Variants in KANSL1 observed in about 807,000 individuals in gnomAD.
KANSL1 encodes MLL1/MLL complex subunit KANSL1.
KANSL1 carries 22 observed loss-of-function variants against 103.6 expected under a neutral mutation model. The observed-to-expected ratio is 0.21, with a 90% confidence interval of 0.15 to 0.30. The LOEUF (loss-of-function observed/expected upper bound fraction) is 0.30, where lower values mean the gene tolerates loss of function less well. Among genes scored for constraint, KANSL1 ranks in the 10% least tolerant of loss-of-function variants. KANSL1 has a pLI of 1.00. For synonymous variants in KANSL1, 600 were observed against 527.6 expected, an observed-to-expected ratio of 1.14 and a Z score of -1.88; for missense variants, 1,337 against 1,399.8, an observed-to-expected ratio of 0.96 and a Z score of 0.72.
At chr17:46,143,753 G>A (rs934395974) in intron 2 of KANSL1, among the ~76,000 whole-genome samples, 2 of 139,324 alleles carry the variant, frequency 1.4e-5, no homozygotes, top group African/African-American at 2.7e-5. Flanking sequence ...GCAGTGAGCC[G>A]AGATCACGCC....
intron 1 of KANSL1, among the ~76,000 whole-genome samples, chr17:46,180,989 AAAGT>A (rs1256704303): frequency 6.6e-6 from 1 of 152,182 alleles, no homozygotes; most frequent in Non-Finnish European, 1.5e-5. Context: ...GGATGGATTG[AAAGT>A]AAGTAAAAAG....
intron 2 of KANSL1, among the ~76,000 whole-genome samples, chr17:46,116,325 T>C (rs1420527410): frequency 6.6e-6 from 1 of 152,108 alleles, no homozygotes; most frequent in Non-Finnish European, 1.5e-5. Flanking sequence ...GGTCAGAGGA[T>C]CAAGACCATC....
At chr17:46,121,039 C>G (rs536155348) in intron 2 of KANSL1, among the ~76,000 whole-genome samples, 1 of 152,334 alleles carries the variant, frequency 6.6e-6, no homozygotes, top group African/African-American at 2.4e-5. Flanking sequence ...ATAACCCATA[C>G]ATCCAGCCCA....
chr17:46,129,905 G>A (rs1244610311), intron 2 of KANSL1, among the ~76,000 whole-genome samples: 4 of 152,176 alleles, frequency 2.6e-5, no homozygotes, highest in South Asian at 2.1e-4. Context: ...TCTAGGGAGG[G>A]CTGGGCACAG....
intron 4 of KANSL1, among the ~76,000 whole-genome samples, chr17:46,068,602 A>G (rs2078466282): frequency 6.6e-6 from 1 of 151,958 alleles, no homozygotes; most frequent in South Asian, 2.1e-4. Flanking sequence ...ACACACACAC[A>G]TTTTTCCCTG....
At chr17:46,121,867 A>G (rs1218286323) in intron 2 of KANSL1, among the ~76,000 whole-genome samples, 2 of 152,200 alleles carry the variant, frequency 1.3e-5, no homozygotes, top group South Asian at 2.1e-4. Context: ...CCTACTGAAC[A>G]TCAAAGCTTA....
intron 6 of KANSL1, among the ~76,000 whole-genome samples, chr17:46,056,141 G>A (rs1411445295): frequency 6.6e-6 from 1 of 152,094 alleles, no homozygotes; most frequent in African/African-American, 2.4e-5. Flanking sequence ...GGGATTACAG[G>A]CACCCACCAC....
intron 4 of KANSL1, among the ~76,000 whole-genome samples, chr17:46,077,179 G>A (rs1424261458): frequency 6.6e-6 from 1 of 152,104 alleles, no homozygotes; most frequent in African/African-American, 2.4e-5. Context: ...AGCTTCCAGA[G>A]TAGTGAGGAC....
At chr17:46,215,549 C>T (rs1423862900) in intron 1 of KANSL1, among the ~76,000 whole-genome samples, 1 of 152,100 alleles carries the variant, frequency 6.6e-6, no homozygotes, top group African/African-American at 2.4e-5. Flanking sequence ...GGTCTGGACT[C>T]AAAAAGGAGA....
intron 3 of KANSL1, among the ~76,000 whole-genome samples, chr17:46,086,907 C>G (rs890535367): frequency 6.6e-6 from 1 of 152,114 alleles, no homozygotes; most frequent in Non-Finnish European, 1.5e-5. Flanking sequence ...GGGGGTACTA[C>G]AGGCGCATAC....
chr17:46,032,543 G>A (rs1271347965), intron 13 of KANSL1: 7 of 427,532 alleles, frequency 1.6e-5, no homozygotes, highest in African/African-American at 1.2e-4. Context: ...AGTGCCTAGT[G>A]AATTCAGGAG....
At chr17:46,039,976 G>T in intron 7 of KANSL1, 92 bp from the exon 8 acceptor site, 2 of 1,177,872 alleles carry the variant, frequency 1.7e-6, no homozygotes, top group Non-Finnish European at 2.5e-6. Context: ...AATTTGCCCA[G>T]TGGCCTGACA....
intron 1 of KANSL1, among the ~76,000 whole-genome samples, chr17:46,188,738 G>A (rs1222299098): frequency 6.6e-6 from 1 of 152,082 alleles, no homozygotes; most frequent in Non-Finnish European, 1.5e-5. Flanking sequence ...CTCTAAATAA[G>A]ACAAGCAAGG....
chr17:46,031,391 A>ACAGT lies in KANSL1; in HGVS notation c.*84_*85insACTG. ...ACTAAAAACTGTGAAAATTTCCGGC[A>ACAGT]TATGATGTTTGAATATCAAACGCAG... On this transcript the variant is annotated 3_prime_UTR_variant, in exon 15 of 15. Transcript: ENST00000432791. The ACAGT allele has an allele frequency of 7.9e-7, 1 of 1,260,370 alleles. No homozygotes were observed. The highest frequency in any genetic ancestry group is 1.1e-6 in the Non-Finnish European group (1 of 915,634). The allele number at this position is 1,260,370 out of a possible 1,614,324, so 78.1% of individuals were successfully genotyped here.
In KANSL1 at chr17:46,039,056, A is replaced by G; in HGVS notation, c.2363T>C (p.Leu788Ser). The change falls in exon 9 of 15, where the codon TTG (leucine) becomes TCG (serine). Residue 788 changes from leucine to serine, a missense_variant. By Grantham distance (145) the Leu-to-Ser change is moderately radical. Around this residue, in one of 2 missense-constraint regions of KANSL1, gnomAD observed 780 missense variants for 923.4 expected, o/e 0.84. Transcript: ENST00000432791. ...ACTTCTCTCAGATGAATGGTCTCGC[A>G]ATCTCATTTTGCTGTGGTTTGGGTC... Reference protein sequence around the residue: ...VHDPNHSKMRLRDHSSERSEV... With the variant: ...VHDPNHSKMRSRDHSSERSEV... 6.2e-7 allele frequency: 1 copy of G among 1,611,436 alleles called. No individual in the cohort carries two copies. Among genetic ancestry groups the G allele is most frequent in the Non-Finnish European group, 8.5e-7 (1 of 1,179,670 alleles).
At chr17:46,150,780 T>A (rs1208256139) in intron 2 of KANSL1, among the ~76,000 whole-genome samples, 4 of 152,226 alleles carry the variant, frequency 2.6e-5, no homozygotes, top group Non-Finnish European at 5.9e-5. Flanking sequence ...GTTGTTAAAT[T>A]TCTGCTTCCT....
intron 2 of KANSL1, among the ~76,000 whole-genome samples, chr17:46,158,469 T>C (rs2045554939): frequency 6.6e-6 from 1 of 152,058 alleles, no homozygotes; most frequent in South Asian, 2.1e-4. Context: ...TTCAAGTGAT[T>C]CTTGCACCTC....
intron 2 of KANSL1, among the ~76,000 whole-genome samples, chr17:46,166,213 C>CCAAAAAAAAAAAAAAA (rs1555573289): frequency 2.1e-5 from 2 of 95,104 alleles, no homozygotes; most frequent in Non-Finnish European, 2.1e-5. Flanking sequence ...GACTCTGTCT[C>CCAAAAAAAAAAAAAAA]AAAAAAAAAA....
At chr17:46,081,490 A>G (rs2078986767) in intron 4 of KANSL1, among the ~76,000 whole-genome samples, 1 of 152,224 alleles carries the variant, frequency 6.6e-6, no homozygotes, top group African/African-American at 2.4e-5. Flanking sequence ...TTTCCAGTTA[A>G]GAACTATCAA....
Sources: gnomAD v4.1 joint callset for allele counts (sites outside exome capture counted in the v4.1 genomes callset) on GRCh38, gnomAD v4.1.1 for gene constraint, gnomAD v4.1.1 regional missense constraint, MANE v1.5 for transcripts, NCBI Gene and HGNC (gene_info 2026-07-23, HGNC 2026-07-21) for gene names.